WDR7: variants seen among roughly 807,000 people sequenced by gnomAD.
WDR7 encodes WD repeat domain 7, also known as WD repeat-containing protein 7.
Under a neutral mutation model 169.4 loss-of-function variants are expected in WDR7, and 46 were observed. That is an observed-to-expected ratio of 0.27 (90% CI 0.21 to 0.35). WDR7 has a LOEUF of 0.35. Among genes scored for constraint, WDR7 ranks in the 10% least tolerant of loss-of-function variants. WDR7 has a pLI of 1.00. For missense variants in WDR7, 1,534 were observed against 1,859.3 expected (o/e 0.83, Z 3.22); for synonymous variants, 612 against 666.8 (o/e 0.92, Z 1.27).
intron 21 of WDR7, among the ~76,000 whole-genome samples, chr18:56,905,966 A>G (rs2046470848): frequency 6.6e-6 from 1 of 152,168 alleles, no homozygotes; most frequent in Admixed American, 6.5e-5. Flanking sequence ...CAAATGGTTG[A>G]TGAAAGGAAA....
Position 56,923,907 on chromosome 18 carries a change from A to T in WDR7, c.3527-15A>T, listed in dbSNP as rs772280416. 6.6e-7 allele frequency: 1 copy of T among 1,521,564 alleles called. No individual in the cohort carries two copies. The highest frequency in any genetic ancestry group is 8.8e-7 in the Non-Finnish European group (1 of 1,138,846). The allele number at this position is 1,521,564 out of a possible 1,614,324, so 94.3% of individuals were successfully genotyped here. ...AAATTCCCCTTTTGCTCTGCATTTT[A>T]TTCTATAATTTCAGGCAAGGCACTG... On this transcript the variant is annotated splice_polypyrimidine_tract_variant and intron_variant, in intron 21 of 27. Transcript: ENST00000254442.
At position 56,969,510 on chromosome 18, in the gene WDR7, G is replaced by A. The variant is rs996379051; in HGVS notation, c.4164+6981G>A. 2.0e-5 allele frequency among the ~76,000 whole-genome samples: 3 copies of A among 152,124 alleles called. No homozygotes were observed. In the East Asian group the frequency reaches 5.8e-4, roughly 29 times the overall value. ...GATGATTTGTTACAAACACAGTAAG[G>A]ATTTCAGGAGATGCCTGGTTCCAGT... On this transcript the variant is annotated intron_variant, in intron 26 of 27. Coordinates refer to ENST00000254442, the MANE Select transcript of WDR7 (RefSeq NM_015285.3).
At chr18:56,885,193 A>G (rs181724234) in intron 21 of WDR7, among the ~76,000 whole-genome samples, 7 of 152,268 alleles carry the variant, frequency 4.6e-5, no homozygotes, top group African/African-American at 1.7e-4. Context: ...AAGGAACCAG[A>G]AAAACAATTC....
At chr18:56,842,997 G>A (rs2045510048) in intron 20 of WDR7, among the ~76,000 whole-genome samples, 1 of 152,060 alleles carries the variant, frequency 6.6e-6, no homozygotes, top group South Asian at 2.1e-4. Flanking sequence ...GTTGCTGTAA[G>A]ACTATTAATT....
At chr18:56,789,739 C>T (rs116546733) in intron 19 of WDR7, among the ~76,000 whole-genome samples, 1,557 of 152,280 alleles carry the variant, frequency 0.01, 30 homozygotes, top group African/African-American at 0.035. Context: ...TATCTTTATA[C>T]CTTCAGTGCA....
chr18:56,704,949 A>G (rs2025915604), intron 12 of WDR7, among the ~76,000 whole-genome samples: 1 of 152,210 alleles, frequency 6.6e-6, no homozygotes, highest in Non-Finnish European at 1.5e-5. Context: ...TTTCTTGAGT[A>G]ACACAATCAT....
At chr18:56,945,760 A>G (rs568857748) in intron 25 of WDR7, among the ~76,000 whole-genome samples, 1 of 152,276 alleles carries the variant, frequency 6.6e-6, no homozygotes, top group Admixed American at 6.5e-5. Flanking sequence ...TGGCAATTTC[A>G]TAGCCTCCCC....
At chr18:56,888,420 G>A (rs2046225486) in intron 21 of WDR7, among the ~76,000 whole-genome samples, 1 of 152,186 alleles carries the variant, frequency 6.6e-6, no homozygotes, top group South Asian at 2.1e-4. Flanking sequence ...AAAGGCAGGA[G>A]CTATTCTGAC....
Position 56,867,318 on chromosome 18 carries a change from T to C in WDR7, c.3305-12626T>C, listed in dbSNP as rs114413525. Among the ~76,000 whole-genome samples the C allele has an allele frequency of 8.4e-3, 1,272 of 152,302 alleles. 20 individuals are homozygous for C. Among genetic ancestry groups the C allele is most frequent in the African/African-American group, 0.029 (1,215 of 41,574 alleles). On this transcript the variant is annotated intron_variant, in intron 20 of 27. Transcript: ENST00000254442. ...TCCTAAAGTGCTGGGATTACAGGCA[T>C]GAGTCAGCACGCCCAGCATAAAATT... is the stretch of plus-strand genomic sequence containing the variant.
At chr18:56,907,520 A>G (rs141945917) in intron 21 of WDR7, among the ~76,000 whole-genome samples, 164 of 152,300 alleles carry the variant, frequency 1.1e-3, no homozygotes, top group African/African-American at 3.7e-3. Context: ...TCTGCCTAAT[A>G]AGATTGTACC....
chr18:56,682,769 C>G lies in WDR7; in HGVS notation c.436C>G (p.Leu146Val). 1 of 1,613,786 alleles carries G rather than the reference C, an allele frequency of 6.2e-7. No homozygotes were observed. The highest frequency in any genetic ancestry group is 8.5e-7 in the Non-Finnish European group (1 of 1,179,792). Residue 146 changes from leucine to valine, a missense_variant, in exon 5 of 28, where the codon CTT becomes GTT. Leu to Val is a conservative substitution (Grantham distance 32, BLOSUM62 1). Coordinates refer to ENST00000254442, the MANE Select transcript of WDR7 (RefSeq NM_015285.3). Reference sequence around the variant, plus strand: ...AATCCTTGTTGTGGATGCTACCAGCCTTGAAGTATTATACTCCTTAGTATC... The same window carrying G: ...AATCCTTGTTGTGGATGCTACCAGCGTTGAAGTATTATACTCCTTAGTATC... The part of the protein sequence containing the change: ...PEILVVDATS[L>V]EVLYSLVSKI...
chr18:56,786,391 T>C (rs2044400124), intron 19 of WDR7, among the ~76,000 whole-genome samples: 2 of 152,076 alleles, frequency 1.3e-5, no homozygotes, highest in Non-Finnish European at 2.9e-5. Flanking sequence ...TAGCCGGGCA[T>C]GGCTGCGTGC....
At chr18:56,832,612 G>C (rs1250597948) in intron 20 of WDR7, among the ~76,000 whole-genome samples, 1 of 152,190 alleles carries the variant, frequency 6.6e-6, no homozygotes, top group African/African-American at 2.4e-5. Context: ...TCTGGCAGGT[G>C]CCCCTCTGTG....
intron 1 of WDR7, among the ~76,000 whole-genome samples, chr18:56,660,872 T>G (rs747625074): frequency 5.9e-5 from 9 of 152,174 alleles, no homozygotes; most frequent in Non-Finnish European, 1.2e-4. Context: ...GGTGACCTTG[T>G]CAAGGGCAGT....
chr18:56,809,405 CAAATATTTTGGAAATACTCAGA>C, intron 19 of WDR7, among the ~76,000 whole-genome samples: 1 of 152,008 alleles, frequency 6.6e-6, no homozygotes. Context: ...TCATCACTGT[CAAATATTTTGGAAATACTCAGA>C]AAGTAAGTAA....
intron 27 of WDR7, 135 bp from the exon 28 acceptor site, chr18:57,026,869 G>C: frequency 1.1e-6 from 1 of 896,198 alleles, no homozygotes; most frequent in Non-Finnish European, 1.7e-6. Flanking sequence ...ACTTTTGAGA[G>C]GTTAAGAACA....
intron 19 of WDR7, among the ~76,000 whole-genome samples, chr18:56,813,976 T>A (rs1230853151): frequency 1.3e-5 from 2 of 152,162 alleles, no homozygotes; most frequent in Non-Finnish European, 1.5e-5. Context: ...TATTGTGTGA[T>A]TCTGTGGTTT....
intron 14 of WDR7, among the ~76,000 whole-genome samples, chr18:56,732,976 T>A (rs897603063): frequency 6.6e-6 from 1 of 152,206 alleles, no homozygotes; most frequent in African/African-American, 2.4e-5. Context: ...TTATATAACT[T>A]GAAAATTAAA....
rs371661600 is a variant in WDR7, at chr18:56,973,493, T to TG, written c.4164+10972dup. Reference sequence around the variant, plus strand: ...GCCTAATATATATACATATTGTGTGTGGGGGGGGTGTATTCCACCTATATA... The same window carrying TG: ...GCCTAATATATATACATATTGTGTGTGGGGGGGGGTGTATTCCACCTATATA... On this transcript the variant is annotated intron_variant, in intron 26 of 27. Transcript: ENST00000254442. Among the ~76,000 whole-genome samples, 608 of 151,662 alleles carry TG rather than the reference T, an allele frequency of 4.0e-3. 7 individuals are homozygous for TG. The highest frequency in any genetic ancestry group is 0.027 in the Admixed American group (403 of 15,192).
Sources: allele counts gnomAD v4.1 joint callset (sites outside exome capture counted in the v4.1 genomes callset), GRCh38; gene constraint gnomAD v4.1.1; transcripts MANE v1.5; gene names NCBI Gene and HGNC (gene_info 2026-07-23, HGNC 2026-07-21).